The following STARD6 variants were observed in gnomAD, a reference collection of about 807,000 sequenced individuals.
The protein encoded by STARD6 is stAR-related lipid transfer protein 6.
STARD6 carries 21 observed loss-of-function variants against 22.3 expected under a neutral mutation model. That is an observed-to-expected ratio of 0.94 (90% CI 0.67 to 1.35). STARD6 has a LOEUF of 1.35. Ranked by LOEUF, STARD6 falls within the 40% of genes most tolerant of loss-of-function variation. STARD6 has a pLI of 0.00. For synonymous variants in STARD6, 80 were observed against 88.1 expected (o/e 0.91, Z 0.52); for missense variants, 269 against 266.9 (o/e 1.01, Z -0.05).
At position 54,354,485 on chromosome 18, in the gene STARD6, G is replaced by A. The variant is rs1173560488; in HGVS notation, c.89C>T (p.Ser30Leu). 6.2e-7 allele frequency: 1 copy of A among 1,605,784 alleles called. No homozygotes were observed. Among genetic ancestry groups the A allele is most frequent in the Non-Finnish European group, 8.5e-7 (1 of 1,175,894 alleles). ...ACATAATTTAACTTATTTTCTTACT[G>A]AAGTTTTAACCACTTTCCAGCCTGA... Reference protein sequence around the residue: ...DTSGWKVVKTSKKITVSSKAS... With the variant: ...DTSGWKVVKTLKKITVSSKAS... Residue 30 changes from serine (S) to leucine (L), a missense_variant and splice_region_variant, in exon 3 of 8, where the codon TCA becomes TTA. Ser to Leu is a moderately radical substitution (Grantham distance 145). Coordinates refer to ENST00000307844, the MANE Select transcript of STARD6 (RefSeq NM_139171.2).
At chr18:54,351,899 GTT>G (rs60888927) in intron 4 of STARD6, among the ~76,000 whole-genome samples, 23,355 of 69,824 alleles carry the variant, frequency 0.33, 3,004 homozygotes, top group East Asian at 0.54. Flanking sequence ...ATATTGGTCC[GTT>G]TTTTTTTTTT....
At chr18:54,353,357 A>G (rs959835164) in intron 4 of STARD6, among the ~76,000 whole-genome samples, 1 of 152,210 alleles carries the variant, frequency 6.6e-6, no homozygotes, top group African/African-American at 2.4e-5. Context: ...AAGCATACAG[A>G]AAAAAATGCA....
intron 4 of STARD6, among the ~76,000 whole-genome samples, chr18:54,345,385 A>G (rs2089024829): frequency 1.3e-5 from 2 of 152,226 alleles, no homozygotes; most frequent in Admixed American, 6.5e-5. Flanking sequence ...CATATACTGA[A>G]ACTTATAAAA....
At chr18:54,338,033 C>G (rs949519106) in intron 4 of STARD6, among the ~76,000 whole-genome samples, 10 of 152,168 alleles carry the variant, frequency 6.6e-5, no homozygotes, top group Non-Finnish European at 1.3e-4. Context: ...TCTGCCTACT[C>G]AGTACCAGTC....
intron 2 of STARD6, among the ~76,000 whole-genome samples, 174 bp from the exon 3 acceptor site, chr18:54,354,751 G>A (rs2089129500): frequency 6.6e-6 from 1 of 152,212 alleles, no homozygotes; most frequent in Admixed American, 6.5e-5. Flanking sequence ...TTTCAAATGA[G>A]AAACTGTGGT....
Position 54,354,076 on chromosome 18 carries a change from A to G in STARD6, c.118T>C (p.Ser40Pro), listed in dbSNP as rs2089121557. ...CACAGATTTCCATGGAATTTTCTAGAAGCCTTACTGGAAACAGTTATCTTT... is the reference window on the plus strand; with the variant it reads ...CACAGATTTCCATGGAATTTTCTAGGAGCCTTACTGGAAACAGTTATCTTT... The part of the protein sequence containing the change: ...SKKITVSSKA[S>P]RKFHGNLYRV... Residue 40 changes from serine (S) to proline (P), a missense_variant, in exon 4 of 8, where the codon TCT becomes CCT. Coordinates refer to ENST00000307844, the MANE Select transcript of STARD6 (RefSeq NM_139171.2). 6.4e-7 allele frequency: 1 copy of G among 1,570,114 alleles called. No homozygotes were observed. The highest frequency in any genetic ancestry group is 1.4e-5 in the African/African-American group (1 of 73,480).
At chr18:54,354,307 C>G (rs1194357162) in intron 3 of STARD6, 177 bp downstream of exon 3, 1 of 652,022 alleles carries the variant, frequency 1.5e-6, no homozygotes, top group East Asian at 2.7e-5. Context: ...TGGTGCATGA[C>G]AGCCTCAAAC....
rs150876849 is a variant in STARD6, at chr18:54,354,219, T to A, written c.91-116A>T. ...TTCTGGTTTGTAAAAGAAAAAAATA[T>A]ATATATATATTTTTCAGAGACAGGG... On this transcript the variant is annotated intron_variant, in intron 3 of 7. Coordinates refer to ENST00000307844, the MANE Select transcript of STARD6 (RefSeq NM_139171.2). 1.9e-3 allele frequency: 1,220 copies of A among 650,570 alleles called. 6 individuals carry two copies. Among genetic ancestry groups the A allele is most frequent in the African/African-American group, 0.017 (894 of 52,868 alleles). 40.3% of individuals were successfully genotyped at this position (650,570 alleles called of 1,614,324 possible).
chr18:54,331,704 C>A, intron 6 of STARD6, 38 bp downstream of exon 6: 1 of 1,338,172 alleles, frequency 7.5e-7, no homozygotes, highest in Non-Finnish European at 1.1e-6. Flanking sequence ...TAATGGCTCG[C>A]AGTAATTCCA....
At chr18:54,349,099 A>G (rs2089067330) in intron 4 of STARD6, among the ~76,000 whole-genome samples, 2 of 152,262 alleles carry the variant, frequency 1.3e-5, no homozygotes, top group South Asian at 2.1e-4. Context: ...TCAAGTTTAT[A>G]TTCTAATATG....
chr18:54,338,895 A>G (rs1568169652), intron 4 of STARD6, among the ~76,000 whole-genome samples: 1 of 151,878 alleles, frequency 6.6e-6, no homozygotes, highest in African/African-American at 2.4e-5. Context: ...TAAAAATACA[A>G]GAATTAGCTG....
At chr18:54,334,020 T>C (rs1222483361) in intron 5 of STARD6, among the ~76,000 whole-genome samples, 1 of 152,216 alleles carries the variant, frequency 6.6e-6, no homozygotes, top group East Asian at 1.9e-4. Context: ...AACAGCTTAT[T>C]GAGTATAATA....
intron 4 of STARD6, 131 bp downstream of exon 4, chr18:54,353,923 C>T (rs906746552): frequency 7.8e-6 from 4 of 515,840 alleles, no homozygotes; most frequent in East Asian, 3.6e-5. Context: ...ACATTTCTGC[C>T]TAGTGACTTA....
chr18:54,346,549 C>T (rs2089038016), intron 4 of STARD6, among the ~76,000 whole-genome samples: 1 of 151,990 alleles, frequency 6.6e-6, no homozygotes, highest in Non-Finnish European at 1.5e-5. Flanking sequence ...CCAGCAATTC[C>T]AGTCCTAGAT....
intron 4 of STARD6, among the ~76,000 whole-genome samples, chr18:54,339,701 G>GC (rs2088952774): frequency 7.9e-5 from 12 of 152,176 alleles, no homozygotes; most frequent in Admixed American, 7.2e-4. Flanking sequence ...ATTGGTAGTA[G>GC]TCCTGCCTTA....
intron 4 of STARD6, among the ~76,000 whole-genome samples, chr18:54,340,807 A>G (rs2088962311): frequency 6.6e-6 from 1 of 152,262 alleles, no homozygotes; most frequent in African/African-American, 2.4e-5. Flanking sequence ...TACACCCTGT[A>G]AATGGAACCA....
chr18:54,331,513 T>C (rs2088864453), intron 6 of STARD6, among the ~76,000 whole-genome samples: 1 of 152,194 alleles, frequency 6.6e-6, no homozygotes, highest in African/African-American at 2.4e-5. Context: ...TGCTACAGGA[T>C]ATATGCTGCA....
intron 4 of STARD6, among the ~76,000 whole-genome samples, chr18:54,353,686 C>T (rs2089117831): frequency 1.3e-5 from 2 of 152,136 alleles, no homozygotes; most frequent in African/African-American, 2.4e-5. Context: ...TGAAGAAATA[C>T]ACTTTACTTG....
At chr18:54,354,124 C>T (rs373616024) in intron 3 of STARD6, 21 bp from the exon 4 acceptor site, 29 of 1,473,402 alleles carry the variant, frequency 2.0e-5, no homozygotes, top group South Asian at 5.4e-5. Context: ...AATAAAAATC[C>T]ACAAATAATT....
Sources: gnomAD v4.1 joint callset for allele counts (sites outside exome capture counted in the v4.1 genomes callset) on GRCh38, gnomAD v4.1.1 for gene constraint, MANE v1.5 for transcripts, NCBI Gene and HGNC (gene_info 2026-07-23, HGNC 2026-07-21) for gene names.